DENND6B: variants seen among roughly 807,000 people sequenced by gnomAD.
DENND6B encodes DENN domain containing 6B.
DENND6B carries 73 observed loss-of-function variants against 85.1 expected under a neutral mutation model. The observed-to-expected ratio is 0.86, with a 90% CI of 0.71 to 1.04. The LOEUF (loss-of-function observed/expected upper bound fraction) is 1.04. DENND6B is among the 50% of genes least tolerant of loss of function. DENND6B has a pLI of 0.00. For synonymous variants in DENND6B, 357 were observed against 329.3 expected (o/e 1.08, Z -0.91); for missense variants, 715 against 785.8 (o/e 0.91, Z 1.08).
At chr22:50,326,607 G>A (rs2147798102) in intron 1 of DENND6B, among the ~76,000 whole-genome samples, 1 of 152,390 alleles carries the variant, frequency 6.6e-6, no homozygotes, top group South Asian at 2.1e-4. Context: ...ATCCCAATGT[G>A]AAGACAAGAT....
chr22:50,325,666 G>A (rs925232432), intron 1 of DENND6B, among the ~76,000 whole-genome samples: 3 of 152,048 alleles, frequency 2.0e-5, no homozygotes, highest in Non-Finnish European at 2.9e-5. Context: ...GTGATTTTGT[G>A]GGGAACAATC....
intron 1 of DENND6B, chr22:50,319,460 GC>G: frequency 4.1e-6 from 4 of 985,236 alleles, no homozygotes; most frequent in Non-Finnish European, 4.8e-6. Context: ...CTGCAGTTGG[GC>G]CCCCCTGCCC....
Position 50,314,408 on chromosome 22 carries a change from T to G in DENND6B, c.1064A>C (p.Lys355Thr), listed in dbSNP as rs764908949. 1 of 1,564,248 alleles carries G rather than the reference T, an allele frequency of 6.4e-7. No homozygotes were observed. Among genetic ancestry groups the G allele is most frequent in the Non-Finnish European group, 8.7e-7 (1 of 1,154,078 alleles). ...CTCACCGGGAGCCTGACCTGACATCTTGGGCTCCCCGACTCGGAGGATGTG... is the reference window on the plus strand; with the variant it reads ...CTCACCGGGAGCCTGACCTGACATCGTGGGCTCCCCGACTCGGAGGATGTG... ...WPHILRVGEP[K>T]MSGDLPKQVK... The change falls in exon 12 of 20, where the codon AAG becomes ACG. Residue 355 changes from lysine (K) to threonine (T), a missense_variant. By Grantham distance (78) the Lys-to-Thr change is moderately conservative (BLOSUM62 -1). Coordinates refer to ENST00000413817, the MANE Select transcript of DENND6B (RefSeq NM_001001794.4).
At chr22:50,321,078 G>C (rs1302905964) in intron 1 of DENND6B, among the ~76,000 whole-genome samples, 1 of 152,214 alleles carries the variant, frequency 6.6e-6, no homozygotes, top group African/African-American at 2.4e-5. Context: ...TCTTGCCTGA[G>C]CCCTGCACAG....
rs1285672627 is a variant in DENND6B at position 50,314,212 on chromosome 22, T to C, written c.1133A>G (p.Lys378Arg). 1 of 1,605,008 alleles carries C rather than the reference T, an allele frequency of 6.2e-7. No homozygotes were observed. ...AGGTCGAGGGGAGCACAGACCTGGC[T>C]TGGTGTCCAGGGTCTTCAACCTTGA... ...KPSRLKTLDTKPGLYTAYTAH... is the reference protein window; with the variant it reads ...KPSRLKTLDTRPGLYTAYTAH... The change falls in exon 13 of 20, where the codon AAG becomes AGG. Residue 378 changes from lysine (K) to arginine (R), a missense_variant. Transcript: ENST00000413817.
chr22:50,320,180 C>A (rs1046917500), intron 1 of DENND6B, among the ~76,000 whole-genome samples: 2 of 152,228 alleles, frequency 1.3e-5, no homozygotes, highest in African/African-American at 4.8e-5. Context: ...GTGCCCTGAG[C>A]CCCCAGACAG....
At chr22:50,316,112 C>T in intron 7 of DENND6B, 25 bp from the exon 8 acceptor site, 1 of 1,612,648 alleles carries the variant, frequency 6.2e-7, no homozygotes, top group East Asian at 2.2e-5. Context: ...GAGCAGCTGC[C>T]AGAGGGAGTA....
chr22:50,322,459 T>G (rs991657577), intron 1 of DENND6B, among the ~76,000 whole-genome samples: 1 of 152,112 alleles, frequency 6.6e-6, no homozygotes, highest in Non-Finnish European at 1.5e-5. Context: ...AGAGTGAAAG[T>G]GGTATTCTAA....
intron 1 of DENND6B, among the ~76,000 whole-genome samples, chr22:50,323,998 G>A (rs927755655): frequency 9.2e-5 from 14 of 152,084 alleles, no homozygotes; most frequent in African/African-American, 3.4e-4. Flanking sequence ...GCCTCCTAAA[G>A]GGCTGGATTA....
In DENND6B at chr22:50,314,653, G is replaced by A; in HGVS notation, c.929C>T (p.Thr310Ile). 2 of 1,567,736 alleles carry A rather than the reference G, an allele frequency of 1.3e-6. No individual in the cohort carries two copies. The highest frequency in any genetic ancestry group is 1.2e-5 in the South Asian group (1 of 85,302). The change falls in exon 11 of 20, where the codon ACC becomes ATC. Residue 310 changes from threonine to isoleucine, a missense_variant. Physicochemically the swap from Thr to Ile is moderately conservative, Grantham distance 89. Coordinates refer to ENST00000413817, the MANE Select transcript of DENND6B (RefSeq NM_001001794.4). ...RFCCDFRPYF[T>I]IHDSEFKEFT... ...CTCCTTGAACTCGCTGTCATGGATG[G>A]TGAAGTAGGGACGGAAGTCGCAGCA...
intron 1 of DENND6B, among the ~76,000 whole-genome samples, chr22:50,324,560 G>T (rs1405363508): frequency 1.3e-5 from 2 of 152,218 alleles, no homozygotes; most frequent in Non-Finnish European, 1.5e-5. Flanking sequence ...GAGTAGCTGG[G>T]ATTACAGGCG....
In DENND6B at chr22:50,312,613, C is replaced by T; in HGVS notation, c.1470G>A (p.Lys490=). The change falls in exon 18 of 20, where the codon AAG becomes AAA. Residue 490 remains lysine, a synonymous_variant. Transcript: ENST00000413817. ...GGTACCAGCCATCAAAATGGGGGGA[C>T]TTGAAAAACCGCCTGTGGGGATTAA... The part of the protein sequence containing the change: ...DWLGLYRRFF[K]SPHFDGWYRQ... 1 of 1,575,432 alleles carries T rather than the reference C, an allele frequency of 6.3e-7. No homozygotes were observed. Among genetic ancestry groups the T allele is most frequent in the Non-Finnish European group, 8.6e-7 (1 of 1,161,042 alleles).
intron 3 of DENND6B, among the ~76,000 whole-genome samples, 174 bp from the exon 4 acceptor site, chr22:50,318,194 T>G (rs2041917864): frequency 6.6e-6 from 1 of 152,068 alleles, no homozygotes; most frequent in Admixed American, 6.5e-5. Context: ...AATACAAAAA[T>G]TAGCCAGGCA....
intron 1 of DENND6B, 47 bp from the exon 2 acceptor site, chr22:50,319,050 G>A (rs890748622): frequency 1.9e-5 from 30 of 1,563,762 alleles, no homozygotes; most frequent in Non-Finnish European, 2.5e-5. Flanking sequence ...GTCCGAGGAG[G>A]CGACACCCCT....
chr22:50,317,778 G>C (rs1050353427), intron 4 of DENND6B, 130 bp downstream of exon 4: 2 of 908,072 alleles, frequency 2.2e-6, no homozygotes, highest in African/African-American at 3.4e-5. Flanking sequence ...GGGCCAGTGG[G>C]GCCTGGCCAG....
rs267606289 is a variant in DENND6B, at chr22:50,312,354, G to A, written c.1624C>T (p.Arg542Cys). The A allele has an allele frequency of 9.4e-5, 152 of 1,611,548 alleles. No homozygotes were observed. Among genetic ancestry groups the A allele is most frequent in the Non-Finnish European group, 1.1e-4 (131 of 1,179,352 alleles). Reference protein sequence around the residue: ...VEVVDLVLKLREKLVRAQGHQ... With the variant: ...VEVVDLVLKLCEKLVRAQGHQ... Reference sequence around the variant, plus strand: ...GGGAGGCATCTTACCAGCTTCTCACGAAGTTTCAGGACCAGGTCCACGACC... The same window carrying A: ...GGGAGGCATCTTACCAGCTTCTCACAAAGTTTCAGGACCAGGTCCACGACC... Residue 542 changes from arginine (R) to cysteine (C), a missense_variant, in exon 19 of 20, where the codon CGT (arginine) becomes TGT (cysteine). Coordinates refer to ENST00000413817, the MANE Select transcript of DENND6B (RefSeq NM_001001794.4).
intron 1 of DENND6B, chr22:50,319,247 G>A (rs1428115222): frequency 2.0e-6 from 2 of 985,208 alleles, no homozygotes; most frequent in Non-Finnish European, 2.4e-6. Context: ...TTCTCTGGCT[G>A]TGATGTCTGG....
intron 5 of DENND6B, 120 bp downstream of exon 5, chr22:50,317,173 G>C: frequency 9.5e-7 from 1 of 1,048,412 alleles, no homozygotes; most frequent in Non-Finnish European, 1.4e-6. Context: ...CCCAGGTGGG[G>C]CTGCAGGAGG....
rs374938286 is a variant in DENND6B, at chr22:50,316,416, G to T, written c.513C>A (p.Leu171=). 2.1e-5 allele frequency: 33 copies of T among 1,589,398 alleles called. No homozygotes were observed. In the Admixed American group the frequency reaches 5.9e-4, roughly 28 times the overall value. ...FVRLFQALLS[L]IAPEYFDKLA... ...GCTTGTCAAAGTACTCGGGGGCGAT[G>T]AGGCTTAGCAGCGCTTGGAACAGCC... Residue 171 remains leucine (L), a synonymous_variant, in exon 6 of 20, where the codon CTC becomes CTA. Transcript: ENST00000413817.
Sources: gnomAD v4.1 joint callset for allele counts (sites outside exome capture counted in the v4.1 genomes callset) on GRCh38, gnomAD v4.1.1 for gene constraint, MANE v1.5 for transcripts, NCBI Gene and HGNC (gene_info 2026-07-23, HGNC 2026-07-21) for gene names.